FANCB: variants seen among roughly 807,000 people sequenced by gnomAD.
FANCB encodes the protein FA complementation group B.
Under a neutral mutation model 38.9 loss-of-function variants are expected in FANCB, and 5 were observed. The ratio of observed to expected loss-of-function variants is 0.13; its 90% CI spans 0.07 to 0.27. The LOEUF is 0.27. Among genes scored for constraint, FANCB ranks in the 10% least tolerant of loss-of-function variants. FANCB has a pLI of 1.00. For synonymous variants in FANCB, 236 were observed against 215.4 expected (o/e 1.10, Z -0.84); for missense variants, 573 against 602.7 (o/e 0.95, Z 0.52).
At chrX:14,769,913 C>A in the FANCB span, among the ~76,000 whole-genome samples, 1 of 112,043 alleles carries the variant, frequency 8.9e-6, no homozygotes, top group African/African-American at 3.2e-5. Context: ...ATTGTTTACC[C>A]AAGAGTCATT....
the FANCB span, chrX:14,730,891 TACACAC>T: frequency 0.011 from 1,090 of 97,770 alleles, 17 homozygotes; most frequent in East Asian, 0.013. Flanking sequence ...AAGTTAGCTA[TACACAC>T]ACACACACAC....
the FANCB span, among the ~76,000 whole-genome samples, chrX:14,745,257 G>T: frequency 3.3e-3 from 363 of 111,661 alleles, 1 homozygote; most frequent in African/African-American, 0.011. Flanking sequence ...AAACTACAAG[G>T]GGTTTGGGCT....
At chrX:14,695,498 GA>G in the FANCB span, among the ~76,000 whole-genome samples, 1 of 112,197 alleles carries the variant, frequency 8.9e-6, no homozygotes, top group African/African-American at 3.2e-5. Flanking sequence ...GCATTACATG[GA>G]GACAACTATT....
chrX:14,741,119 A>T, the FANCB span, among the ~76,000 whole-genome samples: 1 of 111,400 alleles, frequency 9.0e-6, no homozygotes, highest in Non-Finnish European at 1.9e-5. Flanking sequence ...GAATAACTGA[A>T]TAGTTAACAT....
chrX:14,869,348 T>A (rs1206964803), intron 1 of FANCB: 1 of 112,009 alleles, frequency 8.9e-6, no homozygotes, highest in Non-Finnish European at 1.9e-5. Context: ...AACTTAAGTG[T>A]GATAGGAGTA....
At chrX:14,693,945 A>C in the FANCB span, among the ~76,000 whole-genome samples, 1 of 112,176 alleles carries the variant, frequency 8.9e-6, no homozygotes, top group Non-Finnish European at 1.9e-5. Context: ...TGAAAAATGT[A>C]TACTTCAAAT....
chrX:14,753,504 C>T, the FANCB span, among the ~76,000 whole-genome samples: 1 of 112,054 alleles, frequency 8.9e-6, no homozygotes, highest in South Asian at 3.7e-4. Flanking sequence ...CTCACTATTC[C>T]GTGGTTCAGC....
intron 7 of FANCB, among the ~76,000 whole-genome samples, chrX:14,846,189 T>C (rs943481308): frequency 3.6e-5 from 4 of 111,689 alleles, no homozygotes; most frequent in Non-Finnish European, 3.8e-5. Flanking sequence ...AGAAAGAAGA[T>C]ACATCATGAT....
chrX:14,785,731 T>C, the FANCB span, among the ~76,000 whole-genome samples: 1 of 111,668 alleles, frequency 9.0e-6, no homozygotes. Context: ...GGCAGGCTTA[T>C]ATTGTGATGG....
At chrX:14,771,907 G>T in the FANCB span, among the ~76,000 whole-genome samples, 2 of 111,609 alleles carry the variant, frequency 1.8e-5, no homozygotes, top group Non-Finnish European at 3.8e-5. Context: ...AGTTGCCTCA[G>T]TTTCTCCTGT....
At chrX:14,800,774 T>C in the FANCB span, among the ~76,000 whole-genome samples, 4 of 112,051 alleles carry the variant, frequency 3.6e-5, no homozygotes, top group East Asian at 2.8e-4. Context: ...GCTTAAGATA[T>C]TTTGAAAGTT....
the FANCB span, among the ~76,000 whole-genome samples, chrX:14,826,065 T>C: frequency 1.8e-5 from 2 of 112,186 alleles, no homozygotes; most frequent in East Asian, 2.8e-4. Flanking sequence ...AAACCAGCCA[T>C]GTGTTTTAAG....
downstream of FANCB, among the ~76,000 whole-genome samples, chrX:14,843,236 A>G (rs1010116869): frequency 9.0e-6 from 1 of 111,286 alleles, no homozygotes; most frequent in African/African-American, 3.3e-5. Context: ...TGTCTTGTGC[A>G]TAGTAGGATG....
the FANCB span, chrX:14,731,830 G>A: frequency 1.8e-5 from 2 of 111,269 alleles, no homozygotes; most frequent in African/African-American, 6.6e-5. Context: ...AGAGGCTTTC[G>A]TTTTCATTTT....
chrX:14,820,171 ATC>A, the FANCB span, among the ~76,000 whole-genome samples: 1 of 109,225 alleles, frequency 9.2e-6, no homozygotes, highest in Non-Finnish European at 1.9e-5. Context: ...GAAAACACTA[ATC>A]TCTCTCTCTT....
At chrX:14,788,582 C>A in the FANCB span, among the ~76,000 whole-genome samples, 1 of 112,094 alleles carries the variant, frequency 8.9e-6, no homozygotes, top group Non-Finnish European at 1.9e-5. Context: ...GAGCCTAACA[C>A]GGCATCAGCT....
the FANCB span, among the ~76,000 whole-genome samples, chrX:14,708,718 C>A: frequency 9.0e-6 from 1 of 111,649 alleles, no homozygotes; most frequent in Non-Finnish European, 1.9e-5. Context: ...GGGCGGATGG[C>A]CTGGGGTCAG....
chrX:14,747,515 T>G, the FANCB span, among the ~76,000 whole-genome samples: 1 of 112,524 alleles, frequency 8.9e-6, no homozygotes, highest in African/African-American at 3.2e-5. Flanking sequence ...CCTTTAAAAA[T>G]CAATACAACA....
chrX:14,712,736 G>A, the FANCB span, among the ~76,000 whole-genome samples: 3 of 110,637 alleles, frequency 2.7e-5, no homozygotes, highest in African/African-American at 9.9e-5. Context: ...TTAACATGAA[G>A]TTCTGAGTAG....
Sources: gnomAD v4.1 joint callset for allele counts (sites outside exome capture counted in the v4.1 genomes callset) on GRCh38, gnomAD v4.1.1 for gene constraint, MANE v1.5 for transcripts, NCBI Gene and HGNC (gene_info 2026-07-23, HGNC 2026-07-21) for gene names.